Variants in MIGA1 observed in about 807,000 individuals in gnomAD.
The protein encoded by MIGA1 is family with sequence similarity 73, member A.
Under a neutral mutation model 82.0 loss-of-function variants are expected in MIGA1, and 58 were observed. That is an observed-to-expected ratio of 0.71 (90% CI 0.57 to 0.88). The LOEUF (loss-of-function observed/expected upper bound fraction) is 0.88, where lower values mean the gene tolerates loss of function less well. Ranked by LOEUF, MIGA1 falls within the 40% of genes least tolerant of loss-of-function variation. The probability of loss-of-function intolerance (pLI) is 0.00; values close to 1 mark genes in which losing one functional copy is unlikely to be tolerated. For missense variants in MIGA1, 751 were observed against 749.1 expected, an observed-to-expected ratio of 1.00 and a Z score of -0.03; for synonymous variants, 249 against 253.6, an observed-to-expected ratio of 0.98 and a Z score of 0.17.
chr1:77,813,952 C>G, intron 6 of MIGA1, 85 bp downstream of exon 6: 3 of 1,410,214 alleles, frequency 2.1e-6, no homozygotes, highest in Non-Finnish European at 2.9e-6. Flanking sequence ...TAGGGTCTCA[C>G]TGTTGTTACC....
At chr1:77,866,890 G>A (rs189364641) in intron 14 of MIGA1, among the ~76,000 whole-genome samples, 8 of 152,012 alleles carry the variant, frequency 5.3e-5, no homozygotes, top group Admixed American at 3.3e-4. Flanking sequence ...ATGTTGGCCA[G>A]GCTGGTCTCA....
At chr1:77,815,820 A>T (rs547384583) in intron 7 of MIGA1, among the ~76,000 whole-genome samples, 1 of 152,130 alleles carries the variant, frequency 6.6e-6, no homozygotes, top group Non-Finnish European at 1.5e-5. Context: ...GCCTTGACCT[A>T]TTGGGCTCAA....
At chr1:77,846,597 G>A (rs777254153) in intron 8 of MIGA1, among the ~76,000 whole-genome samples, 26 of 151,406 alleles carry the variant, frequency 1.7e-4, no homozygotes, top group Non-Finnish European at 3.5e-4. Context: ...GCCTCCCAAA[G>A]TGCTGGGATT....
In MIGA1 at chr1:77,875,185, A is replaced by G; in HGVS notation, c.*121A>G. 1.3e-6 allele frequency: 1 copy of G among 772,488 alleles called. No homozygotes were observed. The highest frequency in any genetic ancestry group is 2.1e-6 in the Non-Finnish European group (1 of 479,400). The allele number at this position is 772,488 out of a possible 1,614,324, so 47.9% of individuals were successfully genotyped here. ...CATGTGGATTCAGGGAGGAAAAAAA[A>G]ATCTACTAAAAAATGAGCAACTGTA... is the stretch of plus-strand genomic sequence containing the variant. On this transcript the variant is annotated 3_prime_UTR_variant, in exon 16 of 16. Transcript: ENST00000370791.
intron 5 of MIGA1, chr1:77,811,285 A>C: frequency 6.3e-7 from 1 of 1,594,242 alleles, no homozygotes; most frequent in Non-Finnish European, 8.6e-7. Flanking sequence ...GAGTAATGTC[A>C]TTCCTGGTTC....
intron 7 of MIGA1, among the ~76,000 whole-genome samples, chr1:77,839,385 T>G (rs958000365): frequency 3.9e-5 from 6 of 152,078 alleles, no homozygotes; most frequent in African/African-American, 1.4e-4. Context: ...TTTTTCTTTT[T>G]TTTTAGAGAC....
chr1:77,858,144 C>T (rs760274117), intron 8 of MIGA1, among the ~76,000 whole-genome samples: 5 of 151,980 alleles, frequency 3.3e-5, no homozygotes, highest in Non-Finnish European at 5.9e-5. Context: ...GAGGCCAGTT[C>T]GAGACCAGCC....
At chr1:77,850,046 A>T (rs1295583514) in intron 8 of MIGA1, among the ~76,000 whole-genome samples, 1 of 152,018 alleles carries the variant, frequency 6.6e-6, no homozygotes, top group African/African-American at 2.4e-5. Flanking sequence ...AAAAAAAAAA[A>T]AAAAAAGTAT....
At chr1:77,780,465 C>T (rs1355654297) in intron 1 of MIGA1, among the ~76,000 whole-genome samples, 4 of 152,194 alleles carry the variant, frequency 2.6e-5, no homozygotes, top group Non-Finnish European at 5.9e-5. Context: ...TTGCTCTGTT[C>T]AAAGTGTCAG....
chr1:77,859,981 A>G, intron 10 of MIGA1, 59 bp from the exon 11 acceptor site: 1 of 1,069,848 alleles, frequency 9.3e-7, no homozygotes, highest in Admixed American at 2.1e-5. Context: ...TATTAAGTTG[A>G]ATGTCCATTC....
Position 77,869,149 on chromosome 1 carries a change from C to G in MIGA1, c.1563+2758C>G, listed in dbSNP as rs577562034. On this transcript the variant is annotated intron_variant, in intron 14 of 15. Transcript: ENST00000370791. ...ATTAGGGAGTGGTGATGACTCTTAACGAGCATGCTGCCTTCAAGCATCTGT... is the reference window on the plus strand; with the variant it reads ...ATTAGGGAGTGGTGATGACTCTTAAGGAGCATGCTGCCTTCAAGCATCTGT... Among the ~76,000 whole-genome samples the G allele has an allele frequency of 6.1e-5, 9 of 148,116 alleles. 1 individual carries two copies. Among genetic ancestry groups the G allele is most frequent in the South Asian group, 4.4e-4 (2 of 4,514 alleles).
At chr1:77,864,906 T>C (rs896658426) in intron 13 of MIGA1, among the ~76,000 whole-genome samples, 25 of 152,344 alleles carry the variant, frequency 1.6e-4, no homozygotes, top group African/African-American at 6.0e-4. Context: ...AGGGTGGATA[T>C]ATTTTATGAT....
intron 14 of MIGA1, among the ~76,000 whole-genome samples, chr1:77,870,660 C>G (rs375624299): frequency 0.092 from 13,882 of 150,688 alleles, 1,002 homozygotes; most frequent in African/African-American, 0.21. Flanking sequence ...GGCAGAGACG[C>G]TCCTCACTTC....
rs938323936 is a variant in MIGA1, at chr1:77,878,132, G to T, written c.*3068G>T. On this transcript the variant is annotated 3_prime_UTR_variant, in exon 16 of 16. Coordinates refer to ENST00000370791, the MANE Select transcript of MIGA1 (RefSeq NM_198549.4). The stretch of plus-strand genomic sequence containing the variant: ...TAACAGGCCAGGAGCAGTGGCTCAC[G>T]CCTGTAATCCCAGCACTTTGGGAGG... The T allele has an allele frequency of 6.6e-6, 1 of 152,212 alleles. No individual in the cohort carries two copies. Among genetic ancestry groups the T allele is most frequent in the South Asian group, 2.1e-4 (1 of 4,820 alleles). 9.4% of individuals were successfully genotyped at this position (152,212 alleles called of 1,614,324 possible). A position where few individuals can be genotyped will look rare whatever the true frequency, so the allele number is the denominator to read the frequency against.
chr1:77,823,919 G>T (rs1557913196), intron 7 of MIGA1, among the ~76,000 whole-genome samples: 1 of 152,160 alleles, frequency 6.6e-6, no homozygotes. Flanking sequence ...ACTATCCTTT[G>T]TGAATAGCCT....
At chr1:77,813,309 G>T (rs1683425551) in intron 5 of MIGA1, among the ~76,000 whole-genome samples, 1 of 152,086 alleles carries the variant, frequency 6.6e-6, no homozygotes, top group Admixed American at 6.5e-5. Context: ...GTTCTTCTGA[G>T]AACTTATAAA....
chr1:77,860,477 C>G (rs1685420390), intron 11 of MIGA1: 1 of 172,968 alleles, frequency 5.8e-6, no homozygotes, highest in East Asian at 1.6e-4. Context: ...TCTCAGAAAT[C>G]TGGAATACAA....
At position 77,852,085 on chromosome 1, in the gene MIGA1, A is replaced by C. The variant is rs529517116; in HGVS notation, c.997-6853A>C. Among the ~76,000 whole-genome samples, 4 of 152,130 alleles carry C rather than the reference A, an allele frequency of 2.6e-5. No homozygotes were observed. The South Asian group carries it at 6.2e-4, about 24-fold the overall frequency. ...TTTTTAGTAGAGATGGGGTTTCGCC[A>C]TCATGGCCAGGCTGGTCTCGAGCTT... On this transcript the variant is annotated intron_variant, in intron 8 of 15. Transcript: ENST00000370791.
chr1:77,788,290 A>G (rs1682260762), intron 2 of MIGA1, among the ~76,000 whole-genome samples: 1 of 152,060 alleles, frequency 6.6e-6, no homozygotes, highest in South Asian at 2.1e-4. Context: ...GGCATGAGCC[A>G]GTGTACCTGG....
Sources: allele counts gnomAD v4.1 joint callset (sites outside exome capture counted in the v4.1 genomes callset), GRCh38; gene constraint gnomAD v4.1.1; transcripts MANE v1.5; gene names NCBI Gene and HGNC (gene_info 2026-07-23, HGNC 2026-07-21).